MCTP2: variants seen among roughly 807,000 people sequenced by gnomAD.
MCTP2 encodes the protein multiple C2 and transmembrane domain-containing protein 2.
In MCTP2, 132 loss-of-function variants were observed where a neutral mutation model predicts 111.6. That is an observed-to-expected ratio of 1.18 (90% CI 1.03 to 1.37). The LOEUF is 1.37. MCTP2 is among the 40% of genes most tolerant of loss of function. The pLI is 0.00. For synonymous variants in MCTP2, 395 were observed against 387.7 expected, an observed-to-expected ratio of 1.02 and a Z score of -0.22; for missense variants, 1,183 against 1,067.9, an observed-to-expected ratio of 1.11 and a Z score of -1.50.
chr15:94,467,095 C>T (rs1353564134), intron 20 of MCTP2, among the ~76,000 whole-genome samples: 1 of 152,092 alleles, frequency 6.6e-6, no homozygotes, highest in African/African-American at 2.4e-5. Flanking sequence ...TGTATGGAAT[C>T]CCCTCACCAA....
intron 8 of MCTP2, among the ~76,000 whole-genome samples, chr15:94,354,276 A>G (rs957384474): frequency 2.0e-5 from 3 of 152,150 alleles, no homozygotes; most frequent in Admixed American, 1.3e-4. Context: ...GAAAAGTCAC[A>G]TGGATATTGA....
chr15:94,453,859 G>A (rs2152522595), intron 19 of MCTP2, among the ~76,000 whole-genome samples: 1 of 152,236 alleles, frequency 6.6e-6, no homozygotes, highest in African/African-American at 2.4e-5. Context: ...ACTTTAAGAG[G>A]AAGTATCCAA....
At chr15:94,261,214 A>G (rs2073159460) in intron 1 of MCTP2, among the ~76,000 whole-genome samples, 1 of 152,152 alleles carries the variant, frequency 6.6e-6, no homozygotes. Context: ...AAAATGTATA[A>G]AACCAAGTTG....
At chr15:94,281,958 G>C (rs974555678) in intron 1 of MCTP2, among the ~76,000 whole-genome samples, 1 of 151,978 alleles carries the variant, frequency 6.6e-6, no homozygotes, top group African/African-American at 2.4e-5. Flanking sequence ...CTTCTCTCTA[G>C]CTGCCTTTAA....
At chr15:94,256,224 A>T (rs2072760159) in intron 1 of MCTP2, among the ~76,000 whole-genome samples, 1 of 152,162 alleles carries the variant, frequency 6.6e-6, no homozygotes, top group Admixed American at 6.5e-5. Flanking sequence ...GTATAAAATT[A>T]CCTTTAGGCT....
At chr15:94,469,862 C>CCTGT (rs1297850213) in intron 20 of MCTP2, among the ~76,000 whole-genome samples, 22 of 151,560 alleles carry the variant, frequency 1.5e-4, no homozygotes, top group African/African-American at 5.3e-4. Flanking sequence ...ACAGCAAGAT[C>CCTGT]CTGTCTCAAA....
At chr15:94,392,467 A>T (rs972298978) in intron 14 of MCTP2, among the ~76,000 whole-genome samples, 2 of 152,152 alleles carry the variant, frequency 1.3e-5, no homozygotes, top group Non-Finnish European at 2.9e-5. Context: ...AACAGGGAAA[A>T]ATAATAAAAC....
intron 1 of MCTP2, among the ~76,000 whole-genome samples, chr15:94,254,335 C>G (rs901147156): frequency 6.6e-6 from 1 of 152,128 alleles, no homozygotes; most frequent in African/African-American, 2.4e-5. Context: ...GCAATCTAGC[C>G]TAAGGTATAA....
rs12439372 is a variant in MCTP2 at position 94,426,598 on chromosome 15, A to T, written c.2086-13578A>T. The stretch of plus-strand genomic sequence containing the variant: ...CTCTGCTGGTATTGTTTTCATGAAC[A>T]TATGGATTATAATTATTTTAAAATC... On this transcript the variant is annotated intron_variant, in intron 17 of 22. Transcript: ENST00000357742. Among the ~76,000 whole-genome samples the T allele has an allele frequency of 2.0e-3, 312 of 152,280 alleles. 2 individuals are homozygous for T. The highest frequency in any genetic ancestry group is 0.016 in the Admixed American group (247 of 15,290).
chr15:94,296,245 T>C (rs2075271367), intron 1 of MCTP2, among the ~76,000 whole-genome samples: 1 of 152,094 alleles, frequency 6.6e-6, no homozygotes, highest in Non-Finnish European at 1.5e-5. Context: ...AGTCAAGTTA[T>C]GAGATGTGAA....
At chr15:94,331,918 C>A (rs899736056) in intron 4 of MCTP2, among the ~76,000 whole-genome samples, 2 of 152,162 alleles carry the variant, frequency 1.3e-5, no homozygotes, top group Non-Finnish European at 2.9e-5. Flanking sequence ...AGAAACTGTT[C>A]TGTGGTTGGT....
At chr15:94,397,915 T>A (rs2081361159) in intron 14 of MCTP2, among the ~76,000 whole-genome samples, 1 of 152,202 alleles carries the variant, frequency 6.6e-6, no homozygotes, top group African/African-American at 2.4e-5. Context: ...TAGGTATGCT[T>A]CTTAAAAGCC....
At chr15:94,394,270 T>C (rs2081162891) in intron 14 of MCTP2, among the ~76,000 whole-genome samples, 1 of 152,022 alleles carries the variant, frequency 6.6e-6, no homozygotes, top group South Asian at 2.1e-4. Flanking sequence ...GAAGTGAAGA[T>C]AAGTATCCTT....
chr15:94,245,334 GTGTAGATATTTACATACATATGTA>G (rs1306863330), intron 1 of MCTP2, among the ~76,000 whole-genome samples: 1 of 137,472 alleles, frequency 7.3e-6, no homozygotes, highest in East Asian at 2.2e-4. Flanking sequence ...ACATACATAT[GTGTAGATATTTACATACATATGTA>G]TATATATTTA....
intron 20 of MCTP2, among the ~76,000 whole-genome samples, chr15:94,461,406 G>A (rs1214140013): frequency 1.3e-5 from 2 of 152,176 alleles, no homozygotes; most frequent in Non-Finnish European, 2.9e-5. Flanking sequence ...GTTGCAGTGA[G>A]CCGAGATGGC....
intron 9 of MCTP2, among the ~76,000 whole-genome samples, chr15:94,356,753 T>G (rs2078648642): frequency 6.6e-6 from 1 of 152,168 alleles, no homozygotes; most frequent in African/African-American, 2.4e-5. Context: ...GTGCTGCTGT[T>G]TTTTGCTGGG....
At chr15:94,340,994 C>T (rs1356336441) in intron 7 of MCTP2, 70 bp downstream of exon 7, 3 of 939,134 alleles carry the variant, frequency 3.2e-6, no homozygotes, top group African/African-American at 1.6e-5. Context: ...TGCAATTGTC[C>T]CTTGATAGCT....
chr15:94,252,384 C>CT (rs1567278917), intron 1 of MCTP2, among the ~76,000 whole-genome samples: 66 of 152,250 alleles, frequency 4.3e-4, no homozygotes, highest in African/African-American at 1.5e-3. Flanking sequence ...TTGAGTATAA[C>CT]GTTTTTACAG....
chr15:94,395,381 G>A (rs1296834037), intron 14 of MCTP2, among the ~76,000 whole-genome samples: 1 of 152,134 alleles, frequency 6.6e-6, no homozygotes, highest in African/African-American at 2.4e-5. Flanking sequence ...TTTGGATTTT[G>A]ATCTTAAGTG....
Sources: allele counts gnomAD v4.1 joint callset (sites outside exome capture counted in the v4.1 genomes callset), GRCh38; gene constraint gnomAD v4.1.1; transcripts MANE v1.5; gene names NCBI Gene and HGNC (gene_info 2026-07-23, HGNC 2026-07-21).